Variants in LARGE1 observed in about 807,000 individuals in gnomAD.
LARGE1 encodes LARGE xylosyl- and glucuronyltransferase 1, also known as xylosyl- and glucuronyltransferase LARGE1.
A neutral mutation model predicts 87.6 loss-of-function variants in LARGE1; 43 were observed. That is an observed-to-expected ratio of 0.49 (90% CI 0.38 to 0.63). LARGE1 has a LOEUF of 0.63. Among genes scored for constraint, LARGE1 ranks in the 30% least tolerant of loss-of-function variants. LARGE1 has a pLI of 0.00. For synonymous variants in LARGE1, 434 were observed against 394.6 expected, an observed-to-expected ratio of 1.10 and a Z score of -1.18; for missense variants, 802 against 1,000.2, an observed-to-expected ratio of 0.80 and a Z score of 2.67.
chr22:33,845,697 G>T (rs2063409447), intron 1 of LARGE1, among the ~76,000 whole-genome samples: 1 of 152,048 alleles, frequency 6.6e-6, no homozygotes, highest in African/African-American at 2.4e-5. Context: ...TATGAAAAAT[G>T]TTAAAAACAT....
At chr22:33,477,084 C>T (rs557801893) in intron 6 of LARGE1, among the ~76,000 whole-genome samples, 1 of 152,226 alleles carries the variant, frequency 6.6e-6, no homozygotes, top group East Asian at 1.9e-4. Flanking sequence ...AGCTGCGTGG[C>T]GGCTCACCGC....
rs61697360 is a variant in LARGE1, at chr22:33,572,230, T to C, written c.616-7211A>G. 643 of 1,280,332 alleles carry C rather than the reference T, an allele frequency of 5.0e-4. 5 individuals are homozygous for C. The African/African-American group carries it at 9.2e-3, about 18-fold the overall frequency. The allele number at this position is 1,280,332 out of a possible 1,614,324, so 79.3% of individuals were successfully genotyped here. On this transcript the variant is annotated intron_variant, in intron 5 of 14. Coordinates refer to ENST00000397394, the MANE Select transcript of LARGE1 (RefSeq NM_133642.5). ...AAGAAGTCATCCCAGCTGCAGAATG[T>C]TTGAAAAGTCATTTGCCTTTCATGT...
intron 1 of LARGE1, among the ~76,000 whole-genome samples, chr22:33,811,854 G>C (rs1272428743): frequency 6.6e-6 from 1 of 152,194 alleles, no homozygotes; most frequent in East Asian, 1.9e-4. Flanking sequence ...ATCAGCTAGT[G>C]AAATACTTCA....
chr22:33,508,641 C>G (rs1477222180), intron 6 of LARGE1, among the ~76,000 whole-genome samples: 3 of 152,292 alleles, frequency 2.0e-5, no homozygotes, highest in Middle Eastern at 3.4e-3. Flanking sequence ...TTACAACGTA[C>G]ATCCATGACA....
intron 2 of LARGE1, among the ~76,000 whole-genome samples, chr22:33,684,630 T>G (rs2081890789): frequency 6.6e-6 from 1 of 152,106 alleles, no homozygotes; most frequent in South Asian, 2.1e-4. Flanking sequence ...AGCTACTGTG[T>G]GCATAATGAT....
chr22:33,753,866 C>A (rs2084409311), intron 2 of LARGE1, among the ~76,000 whole-genome samples: 3 of 152,098 alleles, frequency 2.0e-5, no homozygotes, highest in South Asian at 4.2e-4. Context: ...TCAAGACCAG[C>A]CTGGCCAACA....
chr22:33,231,172 CAAATT>C (rs1279588113), intron 11 of LARGE1, among the ~76,000 whole-genome samples: 2 of 152,198 alleles, frequency 1.3e-5, no homozygotes, highest in African/African-American at 4.8e-5. Flanking sequence ...CCACTGTTGA[CAAATT>C]ATACCACAAG....
rs116924791 is a variant in LARGE1 at position 33,540,660 on chromosome 22, G to C, written c.787+24188C>G. ...GAATCTCAACCCTGGCCACACTTCA[G>C]CATTATGTAGGGAGCTTTCAAAAAT... On this transcript the variant is annotated intron_variant, in intron 6 of 14. Coordinates refer to ENST00000397394, the MANE Select transcript of LARGE1 (RefSeq NM_133642.5). Among the ~76,000 whole-genome samples, 4 of 152,264 alleles carry C rather than the reference G, an allele frequency of 2.6e-5. No homozygotes were observed. The East Asian group carries it at 7.8e-4, about 30-fold the overall frequency.
chr22:33,300,241 T>A (rs1479370104), intron 12 of LARGE1, among the ~76,000 whole-genome samples: 2 of 152,226 alleles, frequency 1.3e-5, no homozygotes, highest in East Asian at 1.9e-4. Flanking sequence ...GGCCTCAGTT[T>A]GGTCACCTGT....
the LARGE1 span, among the ~76,000 whole-genome samples, chr22:33,104,609 G>A: frequency 1.3e-5 from 2 of 152,360 alleles, no homozygotes; most frequent in Admixed American, 1.3e-4. Flanking sequence ...AGGTGCTATA[G>A]GAAGAGTAGG....
intron 6 of LARGE1, among the ~76,000 whole-genome samples, chr22:33,527,319 C>CT (rs1485065085): frequency 2.6e-5 from 4 of 152,174 alleles, no homozygotes; most frequent in Non-Finnish European, 5.9e-5. Flanking sequence ...ATTTGGAACT[C>CT]TGTTTTCCCA....
chr22:33,763,837 GCTTTTTTTTT>G (rs1233139397), intron 1 of LARGE1, among the ~76,000 whole-genome samples: 4 of 96,136 alleles, frequency 4.2e-5, no homozygotes, highest in African/African-American at 1.6e-4. Context: ...TAATTAGTTT[GCTTTTTTTTT>G]TTTTTTTTTT....
At chr22:33,559,592 T>G (rs2077794202) in intron 6 of LARGE1, among the ~76,000 whole-genome samples, 1 of 152,152 alleles carries the variant, frequency 6.6e-6, no homozygotes. Flanking sequence ...GGTAATCACC[T>G]CCTAAAGGCT....
chr22:33,808,730 T>C (rs2086395673), intron 1 of LARGE1, among the ~76,000 whole-genome samples: 1 of 152,188 alleles, frequency 6.6e-6, no homozygotes, highest in Non-Finnish European at 1.5e-5. Flanking sequence ...GGAACCAGTG[T>C]TTCATGCAAA....
chr22:33,899,738 C>T (rs750436112), intron 1 of LARGE1, among the ~76,000 whole-genome samples: 2 of 152,182 alleles, frequency 1.3e-5, no homozygotes, highest in Non-Finnish European at 2.9e-5. Context: ...AAAGCAACAT[C>T]GATGACCAGC....
intron 7 of LARGE1, among the ~76,000 whole-genome samples, chr22:33,417,762 C>T (rs564165426): frequency 2.0e-5 from 3 of 152,242 alleles, no homozygotes; most frequent in East Asian, 3.9e-4. Context: ...CTATGTAGGA[C>T]GGAGGTCCCC....
chr22:33,631,154 ACT>A (rs1569326442), intron 3 of LARGE1, among the ~76,000 whole-genome samples: 20 of 151,532 alleles, frequency 1.3e-4, no homozygotes, highest in Admixed American at 1.1e-3. Flanking sequence ...CGCCCAGCCA[ACT>A]GTCTATTTTT....
At chr22:33,114,238 C>T in the LARGE1 span, among the ~76,000 whole-genome samples, 1 of 152,112 alleles carries the variant, frequency 6.6e-6, no homozygotes, top group South Asian at 2.1e-4. Context: ...CTAATAGAGG[C>T]TAAATGCTTA....
At chr22:33,140,429 G>T in the LARGE1 span, among the ~76,000 whole-genome samples, 1 of 152,172 alleles carries the variant, frequency 6.6e-6, no homozygotes, top group African/African-American at 2.4e-5. Context: ...CAACTTGATC[G>T]AAGGATACAA....
Sources: allele counts gnomAD v4.1 joint callset (sites outside exome capture counted in the v4.1 genomes callset), GRCh38; gene constraint gnomAD v4.1.1; transcripts MANE v1.5; gene names NCBI Gene and HGNC (gene_info 2026-07-23, HGNC 2026-07-21).